Variants in HIPK1 observed in about 807,000 individuals in gnomAD.
HIPK1 encodes homeodomain-interacting protein kinase 1.
A neutral mutation model predicts 117.1 loss-of-function variants in HIPK1; 28 were observed. The ratio of observed to expected loss-of-function variants is 0.24; its 90% CI spans 0.18 to 0.33. HIPK1 has a LOEUF of 0.33. Ranked by LOEUF, HIPK1 falls within the 10% of genes least tolerant of loss-of-function variation. HIPK1 has a pLI of 1.00. For synonymous variants in HIPK1, 605 were observed against 562.5 expected (o/e 1.08, Z -1.07); for missense variants, 1,122 against 1,475.1 (o/e 0.76, Z 3.92).
intron 14 of HIPK1, 99 bp from the exon 15 acceptor site, chr1:113,971,725 C>G: frequency 8.5e-7 from 1 of 1,177,524 alleles, no homozygotes; most frequent in Non-Finnish European, 1.2e-6. Flanking sequence ...GACCTTAATG[C>G]TTGCAAACTA....
At chr1:113,957,075 CTGTT>C (rs777174703) in intron 6 of HIPK1, 45 bp from the exon 7 acceptor site, 26 of 1,434,050 alleles carry the variant, frequency 1.8e-5, no homozygotes, top group Non-Finnish European at 2.2e-5. Context: ...TATTTGCTGT[CTGTT>C]TAAATCTCAG....
Position 113,977,080 on chromosome 1 carries a change from C to G in HIPK1, c.*3568C>G, listed in dbSNP as rs12562211. On this transcript the variant is annotated 3_prime_UTR_variant, in exon 16 of 16. Coordinates refer to ENST00000426820, the MANE Select transcript of HIPK1 (RefSeq NM_198268.3). ...CATCCATTGTCCTCCACTAGAGGGG[C>G]TAAGCTTGACTGCCCTTAGCCAGGC... 3 of 152,676 alleles carry G rather than the reference C, an allele frequency of 2.0e-5. No homozygotes were observed. Among genetic ancestry groups the G allele is most frequent in the Non-Finnish European group, 4.4e-5 (3 of 68,016 alleles). The allele number at this position is 152,676 out of a possible 1,614,324, so 9.5% of individuals were successfully genotyped here.
At chr1:113,959,163 G>C (rs976685057) in intron 8 of HIPK1, among the ~76,000 whole-genome samples, 1 of 152,012 alleles carries the variant, frequency 6.6e-6, no homozygotes, top group Non-Finnish European at 1.5e-5. Flanking sequence ...CCAGGATTCA[G>C]GTATTTCATA....
At chr1:113,964,161 G>A (rs967850782) in intron 10 of HIPK1, among the ~76,000 whole-genome samples, 1 of 151,842 alleles carries the variant, frequency 6.6e-6, no homozygotes. Flanking sequence ...CCTTTAGAAT[G>A]TAGATCATAT....
intron 11 of HIPK1, 82 bp downstream of exon 11, chr1:113,966,354 A>C: frequency 7.6e-7 from 1 of 1,313,670 alleles, no homozygotes. Context: ...GAGAGAGACT[A>C]GTAAGAAAAT....
At chr1:113,937,017 G>A (rs1305545116) in intron 1 of HIPK1, among the ~76,000 whole-genome samples, 1 of 152,130 alleles carries the variant, frequency 6.6e-6, no homozygotes, top group Non-Finnish European at 1.5e-5. Context: ...TTTAATAGGT[G>A]CATTTTGTAA....
rs185901632 is a variant in HIPK1, at chr1:113,974,688, A to G, written c.*1176A>G. 52 of 152,780 alleles carry G rather than the reference A, an allele frequency of 3.4e-4. No homozygotes were observed. The highest frequency in any genetic ancestry group is 2.5e-4 in the Non-Finnish European group (17 of 68,034). 9.5% of individuals were successfully genotyped at this position (152,780 alleles called of 1,614,324 possible). ...TAATAAGTGCATGTAGGAATTGCAAAAAATATTTTAAAAATTTATTACTGA... is the reference window on the plus strand; with the variant it reads ...TAATAAGTGCATGTAGGAATTGCAAGAAATATTTTAAAAATTTATTACTGA... On this transcript the variant is annotated 3_prime_UTR_variant, in exon 16 of 16. Transcript: ENST00000426820.
At chr1:113,945,254 A>T (rs1255967884) in intron 2 of HIPK1, among the ~76,000 whole-genome samples, 1 of 151,678 alleles carries the variant, frequency 6.6e-6, no homozygotes, top group Non-Finnish European at 1.5e-5. Flanking sequence ...TGAGTTGTAT[A>T]CTCTATATAC....
Position 113,949,933 on chromosome 1 carries a change from A to T in HIPK1, c.1077-2833A>T, listed in dbSNP as rs536109972. 2.0e-5 allele frequency among the ~76,000 whole-genome samples: 3 copies of T among 152,272 alleles called. No homozygotes were observed. In the East Asian group the frequency reaches 5.8e-4, roughly 29 times the overall value. Reference sequence around the variant, plus strand: ...CTTTGGTAAACAAAACCACAGTTCAAATTAAATACTACAAAAACTGATGAT... The same window carrying T: ...CTTTGGTAAACAAAACCACAGTTCATATTAAATACTACAAAAACTGATGAT... On this transcript the variant is annotated intron_variant, in intron 2 of 15. Coordinates refer to ENST00000426820, the MANE Select transcript of HIPK1 (RefSeq NM_198268.3).
At chr1:113,969,319 C>T (rs1055423362) in intron 13 of HIPK1, among the ~76,000 whole-genome samples, 7 of 152,160 alleles carry the variant, frequency 4.6e-5, no homozygotes, top group African/African-American at 9.7e-5. Flanking sequence ...ACTCTGAAGT[C>T]ATTCTGTCCT....
chr1:113,967,750 C>T lies in HIPK1; in HGVS notation c.2382-16C>T. 6.8e-7 allele frequency: 1 copy of T among 1,470,122 alleles called. No homozygotes were observed. The highest frequency in any genetic ancestry group is 1.5e-5 in the South Asian group (1 of 67,756). 91.1% of individuals were successfully genotyped at this position (1,470,122 alleles called of 1,614,324 possible). On this transcript the variant is annotated splice_polypyrimidine_tract_variant and intron_variant, in intron 11 of 15. Transcript: ENST00000426820. Reference sequence around the variant, plus strand: ...GGTTTTGGAATTCACTCTTCTCTTTCTTTCTGTTGGTACAGGAATGCCCAC... The same window carrying T: ...GGTTTTGGAATTCACTCTTCTCTTTTTTTCTGTTGGTACAGGAATGCCCAC...
At chr1:113,939,340 TTTG>T (rs1553266111) in intron 1 of HIPK1, among the ~76,000 whole-genome samples, 48 of 140,962 alleles carry the variant, frequency 3.4e-4, no homozygotes, top group Non-Finnish European at 6.2e-4. Context: ...TTTTTTTTTT[TTTG>T]TTGTTGTTGT....
chr1:113,955,693 C>A, intron 5 of HIPK1, 44 bp downstream of exon 5: 2 of 1,013,446 alleles, frequency 2.0e-6, no homozygotes, highest in Non-Finnish European at 3.1e-6. Flanking sequence ...TATTTTTAAT[C>A]AGAGACACTT....
At chr1:113,959,801 A>C (rs987977646) in intron 8 of HIPK1, among the ~76,000 whole-genome samples, 24 of 152,342 alleles carry the variant, frequency 1.6e-4, no homozygotes, top group African/African-American at 4.3e-4. Context: ...TTTTAAAATT[A>C]AGGTGATGAT....
intron 8 of HIPK1, among the ~76,000 whole-genome samples, chr1:113,959,986 T>C (rs1390087038): frequency 6.6e-6 from 1 of 152,190 alleles, no homozygotes; most frequent in Non-Finnish European, 1.5e-5. Flanking sequence ...AACTAATTAT[T>C]GCAGAACCAT....
intron 7 of HIPK1, 71 bp downstream of exon 7, chr1:113,957,357 A>G (rs1398519154): frequency 7.9e-7 from 1 of 1,270,954 alleles, no homozygotes; most frequent in Non-Finnish European, 1.1e-6. Context: ...AGGGCAAGGT[A>G]AAGAACCAAT....
chr1:113,952,442 T>C (rs1671430724), intron 2 of HIPK1, among the ~76,000 whole-genome samples: 3 of 152,224 alleles, frequency 2.0e-5, no homozygotes, highest in African/African-American at 7.2e-5. Flanking sequence ...AGTCTTTATT[T>C]AGCCAACTTA....
chr1:113,958,310 G>A lies in HIPK1; in HGVS notation c.1981+19G>A. 6.5e-7 allele frequency: 1 copy of A among 1,530,328 alleles called. No individual in the cohort carries two copies. The highest frequency in any genetic ancestry group is 9.0e-7 in the Non-Finnish European group (1 of 1,109,252). 94.8% of individuals were successfully genotyped at this position (1,530,328 alleles called of 1,614,324 possible). A position where few individuals can be genotyped will look rare whatever the true frequency, so the allele number is the denominator to read the frequency against. On this transcript the variant is annotated intron_variant, in intron 8 of 15. Transcript: ENST00000426820. ...TTTCAAAGTAAGTGGGGAAACTCCT[G>A]TATCATATGGTATTGTATCAGACCT...
chr1:113,957,386 G>T (rs533560493), intron 7 of HIPK1, 100 bp downstream of exon 7: 13 of 896,208 alleles, frequency 1.5e-5, no homozygotes, highest in Non-Finnish European at 1.5e-5. Flanking sequence ...TGGTGGTCTT[G>T]TTGCTTCTTA....
Sources: allele counts gnomAD v4.1 joint callset (sites outside exome capture counted in the v4.1 genomes callset), GRCh38; gene constraint gnomAD v4.1.1; transcripts MANE v1.5; gene names NCBI Gene and HGNC (gene_info 2026-07-23, HGNC 2026-07-21).